PRRG1: variants seen among roughly 807,000 people sequenced by gnomAD.
PRRG1 encodes transmembrane gamma-carboxyglutamic acid protein 1.
A neutral mutation model predicts 11.8 loss-of-function variants in PRRG1; 5 were observed. That is an observed-to-expected ratio of 0.42 (90% CI 0.22 to 0.89). The LOEUF (loss-of-function observed/expected upper bound fraction) is 0.89, where lower values mean the gene tolerates loss of function less well. Ranked by LOEUF, PRRG1 falls within the 40% of genes least tolerant of loss-of-function variation. The pLI, the probability that PRRG1 is intolerant of heterozygous loss-of-function variation, is 0.28. For missense variants in PRRG1, 155 were observed against 166.1 expected (o/e 0.93, Z 0.37); for synonymous variants, 66 against 60.4 (o/e 1.09, Z -0.43).
chrX:37,382,718 AT>A (rs5902135), intron 1 of PRRG1, among the ~76,000 whole-genome samples: 32,706 of 110,326 alleles, frequency 0.3, 7,083 homozygotes, highest in African/African-American at 0.77. Context: ...AATTCAATAG[AT>A]TTTTGCATGT....
rs193082224 is a variant in PRRG1, at chrX:37,410,948, T to C, written c.10+4689T>C. Among the ~76,000 whole-genome samples the C allele has an allele frequency of 4.3e-4, 48 of 111,983 alleles. No homozygotes were observed. In the East Asian group the frequency reaches 0.012, roughly 29 times the overall value. On this transcript the variant is annotated intron_variant, in intron 2 of 3. Coordinates refer to ENST00000378628, the MANE Select transcript of PRRG1 (RefSeq NM_001142395.2). ...TTCAAAAATGAACAGCAGGTATAAA[T>C]AAAATTATATGTAAAATTCTAGTAG...
intron 2 of PRRG1, among the ~76,000 whole-genome samples, chrX:37,409,808 G>A (rs782629245): frequency 4.0e-4 from 45 of 111,961 alleles, no homozygotes; most frequent in South Asian, 7.3e-4. Context: ...GAAAAATATT[G>A]CAAAGATATG....
At chrX:37,425,245 G>A (rs1401270585) in intron 2 of PRRG1, among the ~76,000 whole-genome samples, 1 of 111,517 alleles carries the variant, frequency 9.0e-6, no homozygotes, top group African/African-American at 3.3e-5. Context: ...ACAGTGAAAT[G>A]AGGTTGAATG....
At chrX:37,350,002 A>G (rs1556364275) in intron 1 of PRRG1, among the ~76,000 whole-genome samples, 1 of 51,306 alleles carries the variant, frequency 1.9e-5, no homozygotes, top group Non-Finnish European at 3.5e-5. Flanking sequence ...TGACAGTGGG[A>G]GGGGGTGCGT....
At chrX:37,379,569 T>A (rs1387981893) in intron 1 of PRRG1, among the ~76,000 whole-genome samples, 1 of 111,545 alleles carries the variant, frequency 9.0e-6, no homozygotes, top group Admixed American at 9.5e-5. Context: ...AATTTATGCA[T>A]TTTCCAAATT....
intron 2 of PRRG1, among the ~76,000 whole-genome samples, chrX:37,412,761 T>C (rs1282620700): frequency 9.0e-6 from 1 of 111,394 alleles, no homozygotes; most frequent in African/African-American, 3.3e-5. Flanking sequence ...TGATGCTTTT[T>C]GTCTTTGATG....
In PRRG1 at chrX:37,453,360, C is replaced by G. The variant is rs782500562; in HGVS notation, c.396C>G (p.Pro132=). Residue 132 remains proline, a synonymous_variant, in exon 4 of 4, where the codon CCC becomes CCG. Transcript: ENST00000378628. ...FPQHLNIITP[P]PPPDEVFDSS... is the part of the protein sequence containing the mutation. Reference sequence around the variant, plus strand: ...AGCACCTTAATATTATCACCCCACCCCCCCCACCAGATGAAGTGTTTGACA... The same window carrying G: ...AGCACCTTAATATTATCACCCCACCGCCCCCACCAGATGAAGTGTTTGACA... 24 of 1,205,997 alleles carry G rather than the reference C, an allele frequency of 2.0e-5. No individual in the cohort carries two copies. The Admixed American group carries it at 4.0e-4, about 20-fold the overall frequency.
rs782036314 is a variant in PRRG1, at chrX:37,453,164, C to T, written c.200C>T (p.Ala67Val). 15 of 1,206,585 alleles carry T rather than the reference C, an allele frequency of 1.2e-5. No individual in the cohort carries two copies. Among genetic ancestry groups the T allele is most frequent in the African/African-American group, 1.7e-5 (1 of 57,605 alleles). The change falls in exon 4 of 4, where the codon GCG becomes GTG. Residue 67 changes from alanine (A) to valine (V), a missense_variant. Coordinates refer to ENST00000378628, the MANE Select transcript of PRRG1 (RefSeq NM_001142395.2). ...TKEFWSTYTKAQQGESNRGSD... is the reference protein window; with the variant it reads ...TKEFWSTYTKVQQGESNRGSD... The stretch of plus-strand genomic sequence containing the variant: ...GAGTTTTGGAGCACCTACACAAAAG[C>T]GCAACAAGGGGAGAGTAACCGAGGA...
intron 1 of PRRG1, among the ~76,000 whole-genome samples, chrX:37,382,611 G>A (rs1931187499): frequency 9.0e-6 from 1 of 111,364 alleles, no homozygotes; most frequent in African/African-American, 3.3e-5. Flanking sequence ...CAACTATTAA[G>A]AATCATGTTT....
chrX:37,437,614 A>G (rs1282965426), intron 3 of PRRG1, among the ~76,000 whole-genome samples: 1 of 112,372 alleles, frequency 8.9e-6, no homozygotes, highest in Admixed American at 9.4e-5. Flanking sequence ...CAACCAGTCA[A>G]TGGAATTGAT....
At chrX:37,386,236 TCTCTA>T (rs376761774) in intron 1 of PRRG1, among the ~76,000 whole-genome samples, 144 of 112,640 alleles carry the variant, frequency 1.3e-3, no homozygotes, top group African/African-American at 4.3e-3. Context: ...TATAATTTTT[TCTCTA>T]CTCAATACAT....
chrX:37,360,489 G>A (rs1930377019), intron 1 of PRRG1, among the ~76,000 whole-genome samples: 2 of 111,953 alleles, frequency 1.8e-5, no homozygotes, highest in Non-Finnish European at 3.8e-5. Context: ...TTGTTTTCTA[G>A]TTTAATTCCA....
chrX:37,412,983 A>G (rs1556384250), intron 2 of PRRG1, among the ~76,000 whole-genome samples: 1 of 111,378 alleles, frequency 9.0e-6, no homozygotes, highest in African/African-American at 3.3e-5. Context: ...TAGTTACAAA[A>G]TGTACTAAAG....
In PRRG1 at chrX:37,369,444, A is replaced by G. The variant is rs139941879; in HGVS notation, c.-42+20049A>G. Among the ~76,000 whole-genome samples, 142 of 112,247 alleles carry G rather than the reference A, an allele frequency of 1.3e-3. 7 individuals are homozygous for G. The East Asian group carries it at 0.014, about 11-fold the overall frequency. On this transcript the variant is annotated intron_variant, in intron 1 of 3. Transcript: ENST00000378628. Reference sequence around the variant, plus strand: ...ATGTTTTAAAATTGAGCTTGTTAACATATATGCATTACCTTACATGTCATT... The same window carrying G: ...ATGTTTTAAAATTGAGCTTGTTAACGTATATGCATTACCTTACATGTCATT...
At chrX:37,394,950 A>G (rs1308448148) in intron 1 of PRRG1, among the ~76,000 whole-genome samples, 1 of 112,121 alleles carries the variant, frequency 8.9e-6, no homozygotes, top group East Asian at 2.8e-4. Context: ...ATATTGACCA[A>G]CTAGAAGATA....
intron 3 of PRRG1, among the ~76,000 whole-genome samples, chrX:37,426,502 G>T (rs1932776183): frequency 1.8e-5 from 2 of 111,890 alleles, no homozygotes; most frequent in South Asian, 7.5e-4. Flanking sequence ...CAAGGCAGGG[G>T]TGAAAAGTCT....
intron 3 of PRRG1, among the ~76,000 whole-genome samples, chrX:37,430,055 A>G (rs1019793342): frequency 3.6e-5 from 4 of 112,158 alleles, no homozygotes; most frequent in African/African-American, 1.3e-4. Context: ...GAATTCTGGG[A>G]TATACAATTC....
rs1489079314 is a variant in PRRG1 at position 37,399,314 on chromosome X, G to A, written c.-41-6895G>A. On this transcript the variant is annotated intron_variant, in intron 1 of 3. Transcript: ENST00000378628. ...GAAACTCTACAAGCCAGAAGAGAGTGGGGGCCAATATTCAACATTCTTAAA... is the reference window on the plus strand; with the variant it reads ...GAAACTCTACAAGCCAGAAGAGAGTAGGGGCCAATATTCAACATTCTTAAA... 2.3e-3 allele frequency among the ~76,000 whole-genome samples: 251 copies of A among 110,947 alleles called. 1 individual carries two copies. The highest frequency in any genetic ancestry group is 7.8e-3 in the African/African-American group (235 of 30,233).
intron 1 of PRRG1, among the ~76,000 whole-genome samples, chrX:37,372,619 C>T (rs782430683): frequency 5.3e-5 from 6 of 112,577 alleles, no homozygotes; most frequent in South Asian, 7.3e-4. Context: ...GGGCTAACTT[C>T]GCCCATTTTT....
Sources: gnomAD v4.1 joint callset for allele counts (sites outside exome capture counted in the v4.1 genomes callset) on GRCh38, gnomAD v4.1.1 for gene constraint, MANE v1.5 for transcripts, NCBI Gene and HGNC (gene_info 2026-07-23, HGNC 2026-07-21) for gene names.